OR4C6: variants seen among roughly 807,000 people sequenced by gnomAD.
The protein encoded by OR4C6 is olfactory receptor 4C6.
A neutral mutation model predicts 13.9 loss-of-function variants in OR4C6; 20 were observed. The ratio of observed to expected loss-of-function variants is 1.43; its 90% CI spans 1.01 to 2.08. The LOEUF is 2.08. Among genes scored for constraint, OR4C6 ranks in the 30% most tolerant of loss-of-function variants. OR4C6 has a pLI of 0.00. For synonymous variants in OR4C6, 193 were observed against 141.5 expected, an observed-to-expected ratio of 1.36 and a Z score of -2.58; for missense variants, 555 against 381.2, an observed-to-expected ratio of 1.46 and a Z score of -3.80.
In OR4C6 at chr11:55,665,341, T is replaced by C. The variant is rs774549114; in HGVS notation, c.175T>C (p.Phe59Leu). 1 of 1,613,826 alleles carries C rather than the reference T, an allele frequency of 6.2e-7. No homozygotes were observed. Among genetic ancestry groups the C allele is most frequent in the Admixed American group, 1.7e-5 (1 of 59,996 alleles). ...TSQSLRSPMY[F>L]FLTFLSLLDV... is the part of the protein sequence containing the mutation. ...TCAGAGTCTGAGGTCACCTATGTATTTTTTTCTTACCTTCTTGTCCCTTTT... is the reference window on the plus strand; with the variant it reads ...TCAGAGTCTGAGGTCACCTATGTATCTTTTTCTTACCTTCTTGTCCCTTTT... The change falls in exon 2 of 2, where the codon TTT becomes CTT. Residue 59 changes from phenylalanine to leucine, a missense_variant. Physicochemically the swap from Phe to Leu is conservative, Grantham distance 22 (BLOSUM62 0). Transcript: ENST00000314259.
In OR4C6 at chr11:55,664,769, C is replaced by G. The variant is rs143755281; in HGVS notation, c.-42-356C>G. ...ACTGTATGAGAGTACGTTCCTGTTT[C>G]TGTAAAACAAAGCCAATCATAGAAT... On this transcript the variant is annotated intron_variant, in intron 1 of 1. Transcript: ENST00000314259. Among the ~76,000 whole-genome samples, 308 of 152,034 alleles carry G rather than the reference C, an allele frequency of 2.0e-3. 3 individuals carry two copies. Among genetic ancestry groups the G allele is most frequent in the Non-Finnish European group, 3.3e-3 (225 of 68,014 alleles).
At chr11:55,664,751 G>A (rs1037162225) in intron 1 of OR4C6, among the ~76,000 whole-genome samples, 2 of 151,968 alleles carry the variant, frequency 1.3e-5, no homozygotes, top group Non-Finnish European at 2.9e-5. Flanking sequence ...TAAACTGTAT[G>A]AGAGTACGTT....
chr11:55,665,577 G>A lies in OR4C6; in HGVS notation c.411G>A (p.Arg137=). Residue 137 remains arginine, a synonymous_variant, in exon 2 of 2, where the codon CGG becomes CGA. Transcript: ENST00000314259. ...ACTACACGATCATCATGAGTCCACG[G>A]GTGTGCTGCCTAATGGTAGGAGGGG... The part of the protein sequence containing the change: ...PLHYTIIMSP[R]VCCLMVGGAW... 2 of 1,613,898 alleles carry A rather than the reference G, an allele frequency of 1.2e-6. No homozygotes were observed. The highest frequency in any genetic ancestry group is 1.7e-6 in the Non-Finnish European group (2 of 1,179,990).
chr11:55,663,313 T>A (rs1858692978), intron 1 of OR4C6, among the ~76,000 whole-genome samples: 1 of 138,124 alleles, frequency 7.2e-6, no homozygotes, highest in Non-Finnish European at 1.6e-5. Flanking sequence ...GAGACCTGAA[T>A]GTCAGTTGGA....
chr11:55,663,354 G>T (rs1220983676), intron 1 of OR4C6, among the ~76,000 whole-genome samples: 1 of 137,456 alleles, frequency 7.3e-6, no homozygotes, highest in African/African-American at 2.5e-5. Flanking sequence ...ATCAACACAG[G>T]GTCATACTAG....
intron 1 of OR4C6, among the ~76,000 whole-genome samples, chr11:55,664,155 G>C (rs997390544): frequency 6.6e-6 from 1 of 151,940 alleles, no homozygotes; most frequent in African/African-American, 2.4e-5. Flanking sequence ...CTTTACGATG[G>C]GAGTAGTATA....
rs149371777 is a variant in OR4C6 at position 55,665,170 on chromosome 11, G to A, written c.4G>A (p.Glu2Lys). The change falls in exon 2 of 2, where the codon GAA becomes AAA. Residue 2 changes from glutamate (E) to lysine (K), a missense_variant. Transcript: ENST00000314259. ...AACTCATATCAACACCTGAGAAATGGAAAATCAAAACAATGTGACTGAATT... is the reference window on the plus strand; with the variant it reads ...AACTCATATCAACACCTGAGAAATGAAAAATCAAAACAATGTGACTGAATT... M[E>K]NQNNVTEFIL... The A allele has an allele frequency of 4.8e-4, 775 of 1,601,776 alleles. 11 individuals carry two copies. In the African/African-American group the frequency reaches 9.2e-3, roughly 19 times the overall value.
chr11:55,664,891 G>T (rs1858716341), intron 1 of OR4C6, among the ~76,000 whole-genome samples: 1 of 151,938 alleles, frequency 6.6e-6, no homozygotes, highest in Non-Finnish European at 1.5e-5. Context: ...AGGACAAGGA[G>T]GAAAAAATCT....
chr11:55,664,412 A>G (rs1858708447), intron 1 of OR4C6, among the ~76,000 whole-genome samples: 1 of 152,036 alleles, frequency 6.6e-6, no homozygotes, highest in African/African-American at 2.4e-5. Flanking sequence ...TATAATCTTC[A>G]TTACTGAACA....
At position 55,665,394 on chromosome 11, in the gene OR4C6, C is replaced by T. The variant is rs775617897; in HGVS notation, c.228C>T (p.Ala76=). 1 of 1,613,626 alleles carries T rather than the reference C, an allele frequency of 6.2e-7. No homozygotes were observed. Among genetic ancestry groups the T allele is most frequent in the Non-Finnish European group, 8.5e-7 (1 of 1,179,848 alleles). The change falls in exon 2 of 2, where the codon GCC becomes GCT. Residue 76 remains alanine (A), a synonymous_variant. Coordinates refer to ENST00000314259, the MANE Select transcript of OR4C6 (RefSeq NM_001004704.2). ...LLDVMFSSVV[A]PKVIVDTLSK... The stretch of plus-strand genomic sequence containing the variant: ...ATGTCATGTTCTCATCTGTCGTTGC[C>T]CCCAAGGTGATTGTAGACACCCTCT...
intron 1 of OR4C6, among the ~76,000 whole-genome samples, chr11:55,664,863 A>C (rs1428670360): frequency 6.6e-6 from 1 of 152,076 alleles, no homozygotes; most frequent in Non-Finnish European, 1.5e-5. Flanking sequence ...ATCTATTAAT[A>C]ATAACTATTA....
rs753614640 is a variant in OR4C6 at position 55,665,847 on chromosome 11, C to T, written c.681C>T (p.Ser227=). 24 of 1,613,876 alleles carry T rather than the reference C, an allele frequency of 1.5e-5. No individual in the cohort carries two copies. Among genetic ancestry groups the T allele is most frequent in the Non-Finnish European group, 1.9e-5 (23 of 1,179,972 alleles). Residue 227 remains serine, a synonymous_variant, in exon 2 of 2, where the codon AGC becomes AGT. Coordinates refer to ENST00000314259, the MANE Select transcript of OR4C6 (RefSeq NM_001004704.2). ...TCCTATGCTCCCTGAAGTCTTACAG[C>T]TCTAAAGGGCGGCACAAAGCCCTCT... The part of the protein sequence containing the change: ...TVILCSLKSY[S]SKGRHKALST...
rs146129470 is a variant in OR4C6, at chr11:55,665,685, T to C, written c.519T>C (p.Asp173=). ...CCTTCTGTGGTCCTAATATCATAGATCACTTTATATGTGATTTGTTTCAGT... is the reference window on the plus strand; with the variant it reads ...CCTTCTGTGGTCCTAATATCATAGACCACTTTATATGTGATTTGTTTCAGT... ...QIPFCGPNII[D]HFICDLFQLL... Residue 173 remains aspartate, a synonymous_variant, in exon 2 of 2, where the codon GAT becomes GAC. Coordinates refer to ENST00000314259, the MANE Select transcript of OR4C6 (RefSeq NM_001004704.2). 2.3e-5 allele frequency: 37 copies of C among 1,613,850 alleles called. No individual in the cohort carries two copies. The South Asian group carries it at 3.6e-4, about 16-fold the overall frequency.
rs1027157470 is a variant in OR4C6, at chr11:55,664,157, A to T, written c.-42-968A>T. Among the ~76,000 whole-genome samples the T allele has an allele frequency of 5.5e-4, 84 of 152,160 alleles. 1 individual carries two copies. Among genetic ancestry groups the T allele is most frequent in the African/African-American group, 1.9e-3 (77 of 41,432 alleles). On this transcript the variant is annotated intron_variant, in intron 1 of 1. Coordinates refer to ENST00000314259, the MANE Select transcript of OR4C6 (RefSeq NM_001004704.2). ...GGCTTTGGTCTCTCTTTACGATGGG[A>T]GTAGTATAGGTACCTACCTCATGTG...
At position 55,665,738 on chromosome 11, in the gene OR4C6, A is replaced by G; in HGVS notation, c.572A>G (p.His191Arg). Residue 191 changes from histidine (H) to arginine (R), a missense_variant, in exon 2 of 2, where the codon CAC becomes CGC. By Grantham distance (29) the His-to-Arg change is conservative (BLOSUM62 0). Transcript: ENST00000314259. ...QLLTLACTDT[H>R]ILGLLVTLNS... Reference sequence around the variant, plus strand: ...TTGACACTTGCCTGCACGGACACCCACATCCTGGGCCTCTTAGTTACCCTC... The same window carrying G: ...TTGACACTTGCCTGCACGGACACCCGCATCCTGGGCCTCTTAGTTACCCTC... The G allele has an allele frequency of 6.2e-7, 1 of 1,613,982 alleles. No homozygotes were observed. The highest frequency in any genetic ancestry group is 8.5e-7 in the Non-Finnish European group (1 of 1,180,006).
rs1590488112 is a variant in OR4C6, at chr11:55,665,135, T to G, written c.-32T>G. 1 of 1,368,274 alleles carries G rather than the reference T, an allele frequency of 7.3e-7. No homozygotes were observed. The allele number at this position is 1,368,274 out of a possible 1,614,324, so 84.8% of individuals were successfully genotyped here. ...ATCTTGCTTATTTAGGATTCTCAAC[T>G]CTCAGCTGGAACTCATATCAACACC... On this transcript the variant is annotated 5_prime_UTR_variant, in exon 2 of 2. Coordinates refer to ENST00000314259, the MANE Select transcript of OR4C6 (RefSeq NM_001004704.2).
At position 55,666,085 on chromosome 11, in the gene OR4C6, G is replaced by T. The variant is rs1408913370; in HGVS notation, c.919G>T (p.Ala307Ser). 6.2e-7 allele frequency: 1 copy of T among 1,609,126 alleles called. No individual in the cohort carries two copies. The change falls in exon 2 of 2, where the codon GCT (alanine) becomes TCT (serine). Residue 307 changes from alanine to serine, a missense_variant. Ala to Ser is a moderately conservative substitution (Grantham distance 99, BLOSUM62 1). Coordinates refer to ENST00000314259, the MANE Select transcript of OR4C6 (RefSeq NM_001004704.2). ...ACTCTGGATGAAATGGGAGGCTTTG[G>T]CTGGGAAATAACTGCAATGCTGAGA... The part of the protein sequence containing the change: ...KKLWMKWEAL[A>S]GK
At chr11:55,663,691 A>T (rs1203348795) in intron 1 of OR4C6, among the ~76,000 whole-genome samples, 1 of 138,156 alleles carries the variant, frequency 7.2e-6, no homozygotes, top group Non-Finnish European at 1.6e-5. Context: ...CTTTAACTTC[A>T]CAAGGATTGT....
chr11:55,664,713 A>G (rs1263311086), intron 1 of OR4C6, among the ~76,000 whole-genome samples: 1 of 152,036 alleles, frequency 6.6e-6, no homozygotes, highest in Non-Finnish European at 1.5e-5. Context: ...TCACTACTGA[A>G]GAGCTATGTG....
Sources: allele counts gnomAD v4.1 joint callset (sites outside exome capture counted in the v4.1 genomes callset), GRCh38; gene constraint gnomAD v4.1.1; transcripts MANE v1.5; gene names NCBI Gene and HGNC (gene_info 2026-07-23, HGNC 2026-07-21).